IQGAP2: variants seen among roughly 807,000 people sequenced by gnomAD.
The protein encoded by IQGAP2 is ras GTPase-activating-like protein IQGAP2.
Under a neutral mutation model 201.3 loss-of-function variants are expected in IQGAP2, and 173 were observed. The observed-to-expected ratio is 0.86, with a 90% CI of 0.76 to 0.98. The LOEUF is 0.98. IQGAP2 is among the 50% of genes least tolerant of loss of function. IQGAP2 has a pLI of 0.00. For synonymous variants in IQGAP2, 675 were observed against 673.9 expected, an observed-to-expected ratio of 1.00 and a Z score of -0.03; for missense variants, 1,687 against 1,864.8, an observed-to-expected ratio of 0.90 and a Z score of 1.76.
rs1750864287 is a variant in IQGAP2 at position 76,633,404 on chromosome 5, TA to T, written c.1780+1379del. ...CAACAATTTTTTGTAGTTTTCTGCA[TA>T]TAAGGCTTGCATTTGTTTCATTAAA... On this transcript the variant is annotated intron_variant, in intron 15 of 35. Coordinates refer to ENST00000274364, the MANE Select transcript of IQGAP2 (RefSeq NM_006633.5). Among the ~76,000 whole-genome samples the T allele has an allele frequency of 2.6e-5, 4 of 152,236 alleles. No homozygotes were observed. In the East Asian group the frequency reaches 7.7e-4, roughly 29 times the overall value.
At chr5:76,700,964 G>C (rs779360386) in intron 33 of IQGAP2, 112 bp from the exon 34 acceptor site, 1 of 1,076,012 alleles carries the variant, frequency 9.3e-7, no homozygotes. Flanking sequence ...TATATTCAGC[G>C]CTCTGAGGGC....
intron 2 of IQGAP2, among the ~76,000 whole-genome samples, chr5:76,530,625 C>T (rs1759239828): frequency 8.7e-6 from 1 of 114,440 alleles, no homozygotes; most frequent in South Asian, 3.6e-4. Context: ...CGTGCACATG[C>T]ACACACAGGA....
rs890164560 is a variant in IQGAP2, at chr5:76,586,546, A to C, written c.459-2360A>C. On this transcript the variant is annotated intron_variant, in intron 5 of 35. Transcript: ENST00000274364. ...AACCACCATAAGGAAATACAAATTT[A>C]AATAACATCTTGTTGCTATCAGTTG... is the stretch of plus-strand genomic sequence containing the variant. 2.0e-5 allele frequency among the ~76,000 whole-genome samples: 3 copies of C among 152,366 alleles called. No homozygotes were observed. In the East Asian group the frequency reaches 5.8e-4, roughly 29 times the overall value.
At chr5:76,608,539 C>A (rs1747990861) in intron 12 of IQGAP2, among the ~76,000 whole-genome samples, 1 of 152,154 alleles carries the variant, frequency 6.6e-6, no homozygotes, top group South Asian at 2.1e-4. Context: ...GAGAATTTTT[C>A]ATGGACGTTT....
intron 2 of IQGAP2, among the ~76,000 whole-genome samples, chr5:76,556,061 A>AG (rs1166838956): frequency 6.6e-6 from 1 of 152,154 alleles, no homozygotes; most frequent in Non-Finnish European, 1.5e-5. Flanking sequence ...TAGGAGCAGA[A>AG]GGTTAATAGG....
rs1461482597 is a variant in IQGAP2, at chr5:76,695,591, T to C, written c.4131T>C (p.Asn1377=). The change falls in exon 32 of 36, where the codon AAT becomes AAC. Residue 1377 remains asparagine (N), a synonymous_variant. Coordinates refer to ENST00000274364, the MANE Select transcript of IQGAP2 (RefSeq NM_006633.5). ...AGAAGAAGAGGAAAATCCAGAGGAA[T>C]CTTCGGACGTTGGAACAGACTGGAC... ...LEQKKRKIQR[N]LRTLEQTGHV... is the part of the protein sequence containing the mutation. The C allele has an allele frequency of 6.2e-7, 1 of 1,614,206 alleles. No individual in the cohort carries two copies.
At chr5:76,549,538 T>G (rs1326415885) in intron 2 of IQGAP2, among the ~76,000 whole-genome samples, 1 of 152,118 alleles carries the variant, frequency 6.6e-6, no homozygotes, top group Non-Finnish European at 1.5e-5. Flanking sequence ...TTTTAGCTAG[T>G]GTATTAGTTT....
intron 15 of IQGAP2, among the ~76,000 whole-genome samples, 195 bp downstream of exon 15, chr5:76,632,221 G>A (rs1253939356): frequency 6.6e-6 from 1 of 152,140 alleles, no homozygotes; most frequent in Non-Finnish European, 1.5e-5. Context: ...TGAGCTCAGT[G>A]GCAATATATG....
chr5:76,426,965 A>T (rs1487915081), intron 1 of IQGAP2, among the ~76,000 whole-genome samples: 1 of 148,656 alleles, frequency 6.7e-6, no homozygotes, highest in Non-Finnish European at 1.5e-5. Flanking sequence ...CTGAAAAATG[A>T]GTTGCATAGT....
intron 1 of IQGAP2, among the ~76,000 whole-genome samples, chr5:76,451,797 G>A (rs1753766066): frequency 6.6e-6 from 1 of 152,218 alleles, no homozygotes; most frequent in Non-Finnish European, 1.5e-5. Flanking sequence ...CACTTTGGGA[G>A]GCCAAGGCAG....
chr5:76,641,074 G>A lies in IQGAP2; in HGVS notation c.2065G>A (p.Glu689Lys), dbSNP rs1245336379. The A allele has an allele frequency of 1.2e-6, 2 of 1,604,676 alleles. No individual in the cohort carries two copies. The highest frequency in any genetic ancestry group is 3.3e-5 in the Admixed American group (2 of 59,840). Residue 689 changes from glutamate to lysine, a missense_variant, in exon 17 of 36, where the codon GAA (glutamate) becomes AAA (lysine). Coordinates refer to ENST00000274364, the MANE Select transcript of IQGAP2 (RefSeq NM_006633.5). ...EFEARKSFLH[E>K]QEENVVKIQA... ...TGAAGCTAGAAAATCATTTTTGCAT[G>A]AACAAGAAGAGAATGTGGTCAAAAT... is the stretch of plus-strand genomic sequence containing the variant.
intron 35 of IQGAP2, among the ~76,000 whole-genome samples, chr5:76,704,383 AATAATTCC>A (rs3839255): frequency 0.32 from 48,775 of 151,796 alleles, 7,913 homozygotes; most frequent in Non-Finnish European, 0.35. Flanking sequence ...GAGAGAAAGC[AATAATTCC>A]ATGAGACTTC....
chr5:76,559,540 T>G (rs911761477), intron 2 of IQGAP2, among the ~76,000 whole-genome samples: 6 of 152,200 alleles, frequency 3.9e-5, no homozygotes, highest in African/African-American at 1.4e-4. Context: ...TTTCTCCCTG[T>G]GAGCCCCAGA....
At chr5:76,526,338 A>G (rs1161571022) in intron 2 of IQGAP2, among the ~76,000 whole-genome samples, 1 of 152,172 alleles carries the variant, frequency 6.6e-6, no homozygotes, top group Non-Finnish European at 1.5e-5. Flanking sequence ...ACTTGCTGAG[A>G]GGTAGGGGCA....
chr5:76,678,674 A>T (rs1745038132), intron 28 of IQGAP2, among the ~76,000 whole-genome samples: 1 of 152,200 alleles, frequency 6.6e-6, no homozygotes, highest in South Asian at 2.1e-4. Flanking sequence ...TGCTTCAGTT[A>T]AGGATGCACC....
At chr5:76,478,181 C>T (rs369579007) in intron 2 of IQGAP2, among the ~76,000 whole-genome samples, 80 of 152,194 alleles carry the variant, frequency 5.3e-4, no homozygotes, top group Non-Finnish European at 1.1e-3. Flanking sequence ...GGGTGGATCA[C>T]CTGAGGCCAA....
At chr5:76,644,552 G>A (rs466170) in intron 17 of IQGAP2, among the ~76,000 whole-genome samples, 93,689 of 151,422 alleles carry the variant, frequency 0.62, 29,152 homozygotes, top group South Asian at 0.78. Flanking sequence ...TGCCTGCCTC[G>A]GCTTTCCAAA....
At chr5:76,450,418 A>G (rs1561380505) in intron 1 of IQGAP2, among the ~76,000 whole-genome samples, 2 of 152,208 alleles carry the variant, frequency 1.3e-5, no homozygotes, top group Non-Finnish European at 2.9e-5. Flanking sequence ...AAAAACCAAG[A>G]ATAGTTTTAA....
At chr5:76,503,963 G>A (rs1285486644) in intron 2 of IQGAP2, among the ~76,000 whole-genome samples, 3 of 152,170 alleles carry the variant, frequency 2.0e-5, no homozygotes, top group African/African-American at 7.2e-5. Context: ...GTTGGTTGGT[G>A]CTGTTTAGCA....
Sources: allele counts gnomAD v4.1 joint callset (sites outside exome capture counted in the v4.1 genomes callset), GRCh38; gene constraint gnomAD v4.1.1; transcripts MANE v1.5; gene names NCBI Gene and HGNC (gene_info 2026-07-23, HGNC 2026-07-21).